ERMP1: variants seen among roughly 807,000 people sequenced by gnomAD.
ERMP1 encodes the protein endoplasmic reticulum metallopeptidase 1.
Under a neutral mutation model 92.0 loss-of-function variants are expected in ERMP1, and 86 were observed. The ratio of observed to expected loss-of-function variants is 0.93; its 90% CI spans 0.79 to 1.12. ERMP1 has a LOEUF of 1.12. Ranked by LOEUF, ERMP1 falls within the 50% of genes most tolerant of loss-of-function variation. The pLI is 0.00. For missense variants in ERMP1, 1,342 were observed against 1,116.3 expected (o/e 1.20, Z -2.88); for synonymous variants, 530 against 412.8 (o/e 1.28, Z -3.44).
intron 6 of ERMP1, among the ~76,000 whole-genome samples, chr9:5,846,228 C>T (rs1830232426): frequency 6.6e-6 from 1 of 152,164 alleles, no homozygotes; most frequent in Non-Finnish European, 1.5e-5. Context: ...AAGCAGCCTG[C>T]ATCCATGTCA....
At chr9:5,841,156 C>T (rs1336658520) in intron 6 of ERMP1, among the ~76,000 whole-genome samples, 1 of 152,190 alleles carries the variant, frequency 6.6e-6, no homozygotes, top group Non-Finnish European at 1.5e-5. Context: ...CATCTCAAGT[C>T]TTTAGTTCCC....
chr9:5,834,703 A>ATGTGTGTGTGTGTG (rs766269385), upstream of ERMP1, among the ~76,000 whole-genome samples: 2,013 of 122,956 alleles, frequency 0.016, 60 homozygotes, highest in Non-Finnish European at 0.022. Flanking sequence ...GTATGTATAT[A>ATGTGTGTGTGTGTG]TGTGTGTGTG....
At chr9:5,791,267 A>C (rs1298229756) in intron 13 of ERMP1, 3 of 456,826 alleles carry the variant, frequency 6.6e-6, no homozygotes, top group South Asian at 4.6e-5. Flanking sequence ...CAAAATCTGA[A>C]GGATAGGCAG....
chr9:5,796,227 A>G (rs537499035), intron 13 of ERMP1, among the ~76,000 whole-genome samples: 1 of 152,352 alleles, frequency 6.6e-6, no homozygotes, highest in South Asian at 2.1e-4. Context: ...GTTTACATGG[A>G]AAGGCAAAAG....
At chr9:5,816,782 G>A (rs918298241) in intron 4 of ERMP1, among the ~76,000 whole-genome samples, 1 of 152,156 alleles carries the variant, frequency 6.6e-6, no homozygotes, top group Non-Finnish European at 1.5e-5. Context: ...ATGAACTACA[G>A]ATGAGGAAGT....
intron 4 of ERMP1, among the ~76,000 whole-genome samples, chr9:5,815,598 T>A (rs1378862892): frequency 1.3e-5 from 2 of 151,960 alleles, no homozygotes; most frequent in African/African-American, 4.8e-5. Context: ...GCAGTAGCAT[T>A]TGGTAAACAT....
At chr9:5,864,465 A>G (rs1014060729) in intron 5 of ERMP1, among the ~76,000 whole-genome samples, 1 of 152,230 alleles carries the variant, frequency 6.6e-6, no homozygotes, top group African/African-American at 2.4e-5. Flanking sequence ...AGTAGAAGTA[A>G]TTAATAGCAC....
At position 5,825,195 on chromosome 9, in the gene ERMP1, C is replaced by A. The variant is rs745999520; in HGVS notation, c.665G>T (p.Cys222Phe). The change falls in exon 3 of 15, where the codon TGC becomes TTC. Residue 222 changes from cysteine to phenylalanine, a missense_variant. Physicochemically the swap from Cys to Phe is radical, Grantham distance 205 (BLOSUM62 -2). Coordinates refer to ENST00000339450, the MANE Select transcript of ERMP1 (RefSeq NM_024896.3). Reference protein sequence around the residue: ...SPGASDDAVSCSVMLEVLRVL... With the variant: ...SPGASDDAVSFSVMLEVLRVL... ...GCGAAGGACTTCCAGCATCACTGAG[C>A]AGCTAACTGCATCATCACTGGCACC... 6.2e-7 allele frequency: 1 copy of A among 1,612,522 alleles called. No homozygotes were observed. Among genetic ancestry groups the A allele is most frequent in the South Asian group, 1.1e-5 (1 of 90,528 alleles).
At position 5,833,075 on chromosome 9, in the gene ERMP1, C is replaced by G. The variant is rs766975093; in HGVS notation, c.-48G>C. The G allele has an allele frequency of 2.0e-4, 276 of 1,394,712 alleles. 3 individuals are homozygous for G. In the South Asian group the frequency reaches 2.4e-3, roughly 12 times the overall value. The allele number at this position is 1,394,712 out of a possible 1,614,324, so 86.4% of individuals were successfully genotyped here. A position where few individuals can be genotyped will look rare whatever the true frequency, so the allele number is the denominator to read the frequency against. On this transcript the variant is annotated 5_prime_UTR_variant, in exon 1 of 15. Transcript: ENST00000339450. ...CCCAACCGCCCCAACCCGCGACAGC[C>G]CCGGCCGCCGCCGACGCCGCCGTCG...
intron 10 of ERMP1, among the ~76,000 whole-genome samples, chr9:5,803,799 G>C (rs1239281153): frequency 6.6e-6 from 1 of 152,076 alleles, no homozygotes; most frequent in Non-Finnish European, 1.5e-5. Flanking sequence ...ACAGCCCTAT[G>C]AATACCAATA....
upstream of ERMP1, among the ~76,000 whole-genome samples, chr9:5,837,916 A>C (rs184447754): frequency 6.5e-3 from 985 of 152,224 alleles, 4 homozygotes; most frequent in Non-Finnish European, 0.011. Context: ...CAGCCTGGGA[A>C]ACATGGTAAA....
chr9:5,850,232 C>T (rs2129754688), intron 6 of ERMP1, among the ~76,000 whole-genome samples: 1 of 151,650 alleles, frequency 6.6e-6, no homozygotes, highest in South Asian at 2.1e-4. Context: ...ATGGTGAAAC[C>T]CATCTCTACG....
intron 4 of ERMP1, among the ~76,000 whole-genome samples, chr9:5,823,403 C>T (rs1829615358): frequency 2.0e-5 from 3 of 152,210 alleles, no homozygotes; most frequent in South Asian, 4.1e-4. Context: ...CTCATTTTAA[C>T]TCATGAAATG....
At chr9:5,843,501 G>T (rs1472687332) in intron 6 of ERMP1, among the ~76,000 whole-genome samples, 1 of 152,160 alleles carries the variant, frequency 6.6e-6, no homozygotes, top group Non-Finnish European at 1.5e-5. Flanking sequence ...CCTGAGTGGG[G>T]ATCAGGTTAT....
At chr9:5,845,425 T>C (rs1214418371) in intron 6 of ERMP1, among the ~76,000 whole-genome samples, 1 of 152,052 alleles carries the variant, frequency 6.6e-6, no homozygotes, top group Non-Finnish European at 1.5e-5. Context: ...AAAGTAACTT[T>C]CTTAAAGTTT....
chr9:5,832,844 T>G lies in ERMP1; in HGVS notation c.184A>C (p.Arg62=), dbSNP rs1830012059. 1 of 1,504,130 alleles carries G rather than the reference T, an allele frequency of 6.6e-7. No individual in the cohort carries two copies. The highest frequency in any genetic ancestry group is 1.4e-5 in the African/African-American group (1 of 68,994). The allele number at this position is 1,504,130 out of a possible 1,614,324, so 93.2% of individuals were successfully genotyped here. ...RSPGGSGGAS[R]GAGTGLSEVR... is the part of the protein sequence containing the mutation. ...TCAGACAGCCCGGTCCCCGCGCCCC[T>G]GCTCGCGCCGCCGCTACCCCCGGGG... Residue 62 remains arginine (R), a synonymous_variant, in exon 1 of 15, where the codon AGG becomes CGG. Transcript: ENST00000339450.
Position 5,849,312 on chromosome 9 carries a change from C to T in ERMP1, n.3199+10156G>A, listed in dbSNP as rs538279950. Among the ~76,000 whole-genome samples the T allele has an allele frequency of 6.0e-4, 91 of 152,330 alleles. No individual in the cohort carries two copies. In the Middle Eastern group the frequency reaches 0.017, roughly 28 times the overall value. On this transcript the variant is annotated intron_variant and non_coding_transcript_variant, in intron 6 of 6. Transcript: ENST00000690753. The stretch of plus-strand genomic sequence containing the variant: ...CTGGGATTACAGGCATGAGCCACTG[C>T]GTCTGGCCCAGTTAGTTTGATTTTT...
intron 6 of ERMP1, among the ~76,000 whole-genome samples, chr9:5,845,858 T>A (rs1182524581): frequency 6.6e-6 from 1 of 151,732 alleles, no homozygotes; most frequent in African/African-American, 2.4e-5. Flanking sequence ...CATGGACAGG[T>A]GTAAGGGGAA....
At position 5,832,761 on chromosome 9, in the gene ERMP1, C is replaced by T. The variant is rs573226057; in HGVS notation, c.267G>A (p.Gln89=). 27 of 1,499,556 alleles carry T rather than the reference C, an allele frequency of 1.8e-5. No homozygotes were observed. In the South Asian group the frequency reaches 3.0e-4, roughly 17 times the overall value. 92.9% of individuals were successfully genotyped at this position (1,499,556 alleles called of 1,614,324 possible). A position where few individuals can be genotyped will look rare whatever the true frequency, so the allele number is the denominator to read the frequency against. The change falls in exon 1 of 15, where the codon CAG becomes CAA. Residue 89 remains glutamine, a synonymous_variant. Transcript: ENST00000339450. ...LYLIALRTLV[Q]LSLQQLVLRG... ...GTAGCACGAGCTGCTGCAGCGAGAG[C>T]TGCACCAGCGTCCGCAGCGCGATCA...
Sources: gnomAD v4.1 joint callset for allele counts (sites outside exome capture counted in the v4.1 genomes callset) on GRCh38, gnomAD v4.1.1 for gene constraint, MANE v1.5 for transcripts, NCBI Gene and HGNC (gene_info 2026-07-23, HGNC 2026-07-21) for gene names.